FRMD5: variants seen among roughly 807,000 people sequenced by gnomAD.
FRMD5 encodes the protein FERM domain containing 5.
Under a neutral mutation model 69.0 loss-of-function variants are expected in FRMD5, and 20 were observed. The ratio of observed to expected loss-of-function variants is 0.29; its 90% CI spans 0.20 to 0.42. The LOEUF is 0.42. Among genes scored for constraint, FRMD5 ranks in the 10% least tolerant of loss-of-function variants. The probability of loss-of-function intolerance (pLI) is 1.00; values close to 1 mark genes in which losing one functional copy is unlikely to be tolerated. For missense variants in FRMD5, 595 were observed against 708.6 expected, an observed-to-expected ratio of 0.84 and a Z score of 1.82; for synonymous variants, 271 against 260.1, an observed-to-expected ratio of 1.04 and a Z score of -0.40.
chr15:44,189,536 T>G (rs945944202), intron 1 of FRMD5, among the ~76,000 whole-genome samples: 3 of 151,576 alleles, frequency 2.0e-5, no homozygotes, highest in Non-Finnish European at 4.4e-5. Context: ...CCACCCAGGC[T>G]GGAGTGCAAT....
At chr15:44,151,375 T>A (rs2140473005) in intron 1 of FRMD5, among the ~76,000 whole-genome samples, 1 of 138,220 alleles carries the variant, frequency 7.2e-6, no homozygotes, top group East Asian at 2.1e-4. Context: ...CCAGCCTAAG[T>A]GACAGAGCGA....
At chr15:44,185,399 T>A (rs1022078611) in intron 1 of FRMD5, among the ~76,000 whole-genome samples, 2 of 152,208 alleles carry the variant, frequency 1.3e-5, no homozygotes, top group African/African-American at 4.8e-5. Context: ...ATTGCAGGCT[T>A]AATATGCCTT....
In FRMD5 at chr15:43,902,163, A is replaced by AG; in HGVS notation, c.639+11dup. 10 of 1,606,894 alleles carry AG rather than the reference A, an allele frequency of 6.2e-6. No homozygotes were observed. Among genetic ancestry groups the AG allele is most frequent in the Non-Finnish European group, 8.5e-6 (10 of 1,173,538 alleles). On this transcript the variant is annotated intron_variant, in intron 7 of 13. Transcript: ENST00000417257. ...AGGAAAGGTCATGCAGTCTCCAACC[A>AG]GGGGGTCTTACCTTACATGGGTGAG...
chr15:43,876,354 T>G (rs762892357), intron 13 of FRMD5: 1 of 832,218 alleles, frequency 1.2e-6, no homozygotes, highest in Non-Finnish European at 2.0e-6. Context: ...ACGGTTTGAG[T>G]CTCAAGTCTG....
At chr15:44,195,449 A>T (rs544028435), upstream of FRMD5, among the ~76,000 whole-genome samples, 1 of 152,330 alleles carries the variant, frequency 6.6e-6, no homozygotes, top group East Asian at 1.9e-4. Flanking sequence ...GGACCTAGTC[A>T]AGCCGGAGCA....
intron 1 of FRMD5, among the ~76,000 whole-genome samples, chr15:44,064,999 G>T (rs1893249065): frequency 6.6e-6 from 1 of 152,180 alleles, no homozygotes; most frequent in South Asian, 2.1e-4. Context: ...ACTGAGAATA[G>T]ACATTTATTA....
chr15:43,901,878 C>G (rs1238311597), intron 7 of FRMD5: 3 of 353,502 alleles, frequency 8.5e-6, no homozygotes, highest in Admixed American at 4.5e-5. Flanking sequence ...CTGTGGGGGG[C>G]CTTCCATATC....
chr15:44,117,698 C>T (rs891620635), intron 1 of FRMD5, among the ~76,000 whole-genome samples: 1 of 152,182 alleles, frequency 6.6e-6, no homozygotes, highest in Non-Finnish European at 1.5e-5. Context: ...GATGGCCCAC[C>T]TGGGCCTTAG....
chr15:43,885,423 G>C (rs972098517), intron 11 of FRMD5, among the ~76,000 whole-genome samples: 3 of 152,162 alleles, frequency 2.0e-5, no homozygotes, highest in African/African-American at 7.2e-5. Flanking sequence ...TGATCCACCT[G>C]CCTCAGCCTC....
In FRMD5 at chr15:44,117,227, A is replaced by G. The variant is rs145708593; in HGVS notation, c.102+77726T>C. ...AATGAAAGTTCTCTTTGGACTATCC[A>G]CTTTCCCAGGACTTACTGTGATTCA... On this transcript the variant is annotated intron_variant, in intron 1 of 13. Coordinates refer to ENST00000417257, the MANE Select transcript of FRMD5 (RefSeq NM_032892.5). Among the ~76,000 whole-genome samples, 40 of 152,280 alleles carry G rather than the reference A, an allele frequency of 2.6e-4. No individual in the cohort carries two copies. In the East Asian group the frequency reaches 7.1e-3, roughly 27 times the overall value.
At chr15:43,932,941 C>T (rs986445177) in intron 1 of FRMD5, among the ~76,000 whole-genome samples, 11 of 152,318 alleles carry the variant, frequency 7.2e-5, no homozygotes, top group African/African-American at 2.4e-4. Flanking sequence ...ACAGCCAGGG[C>T]CTCCCTTGAA....
At chr15:43,959,654 T>C (rs1195741342) in intron 1 of FRMD5, among the ~76,000 whole-genome samples, 4 of 152,188 alleles carry the variant, frequency 2.6e-5, no homozygotes, top group Admixed American at 6.5e-5. Context: ...TAATACTCCA[T>C]CACTCTGTGA....
intron 1 of FRMD5, among the ~76,000 whole-genome samples, chr15:44,090,012 T>A (rs573500082): frequency 6.6e-6 from 1 of 152,180 alleles, no homozygotes; most frequent in Non-Finnish European, 1.5e-5. Context: ...ACACCCTGCA[T>A]GCACACACAC....
At chr15:43,960,715 T>C (rs2090185234) in intron 1 of FRMD5, among the ~76,000 whole-genome samples, 3 of 152,194 alleles carry the variant, frequency 2.0e-5, no homozygotes, top group African/African-American at 4.8e-5. Context: ...ATGAGATCCA[T>C]ATAATGAAAA....
At chr15:44,154,604 G>A (rs913301604) in intron 1 of FRMD5, among the ~76,000 whole-genome samples, 1 of 152,174 alleles carries the variant, frequency 6.6e-6, no homozygotes, top group Non-Finnish European at 1.5e-5. Context: ...AAGCTTTAGT[G>A]AACTGTTTTC....
chr15:44,105,110 G>T (rs561041141), intron 1 of FRMD5, among the ~76,000 whole-genome samples: 1 of 146,968 alleles, frequency 6.8e-6, no homozygotes, highest in African/African-American at 2.5e-5. Context: ...TTTGAGACAG[G>T]GTCTCACCCA....
At chr15:44,087,372 C>T (rs1018106779) in intron 1 of FRMD5, among the ~76,000 whole-genome samples, 10 of 152,200 alleles carry the variant, frequency 6.6e-5, no homozygotes, top group Admixed American at 2.0e-4. Flanking sequence ...CATTATAACA[C>T]GTAATAACAT....
chr15:44,079,067 A>T (rs1445170945), intron 1 of FRMD5, among the ~76,000 whole-genome samples: 2 of 152,132 alleles, frequency 1.3e-5, no homozygotes, highest in African/African-American at 2.4e-5. Context: ...CCTATAACCC[A>T]ATAACAAAAA....
chr15:44,194,960 G>A lies in FRMD5; in HGVS notation c.95C>T (p.Thr32Ile). 6.5e-7 allele frequency: 1 copy of A among 1,535,778 alleles called. No homozygotes were observed. The highest frequency in any genetic ancestry group is 8.7e-7 in the Non-Finnish European group (1 of 1,144,320). The change falls in exon 1 of 14, where the codon ACC becomes ATC. Residue 32 changes from threonine to isoleucine, a missense_variant. Thr to Ile is a moderately conservative substitution (Grantham distance 89). This residue lies in a region of FRMD5 where 79 missense variants were observed against 139.9 expected (regional missense o/e 0.56). Transcript: ENST00000417257. ...GGGCGGCGCGGCGCTGACCTGGATG[G>A]TGCAGGTGTACTCGCTGTCGTCCAG... ...RLLDDSEYTC[T>I]IQRDAKGQYL...
Sources: allele counts gnomAD v4.1 joint callset (sites outside exome capture counted in the v4.1 genomes callset), GRCh38; gene constraint gnomAD v4.1.1; regional missense constraint gnomAD v4.1.1; transcripts MANE v1.5; gene names NCBI Gene and HGNC (gene_info 2026-07-23, HGNC 2026-07-21).